The following STIM2 variants were observed in gnomAD, a reference collection of about 807,000 sequenced individuals.
STIM2 encodes stromal interaction molecule 2.
A neutral mutation model predicts 85.8 loss-of-function variants in STIM2; 31 were observed. The ratio of observed to expected loss-of-function variants is 0.36; its 90% CI spans 0.27 to 0.49. The LOEUF is 0.49. STIM2 is among the 20% of genes least tolerant of loss of function. STIM2 has a pLI of 0.98. For missense variants in STIM2, 841 were observed against 927.6 expected (o/e 0.91, Z 1.21); for synonymous variants, 356 against 331.1 (o/e 1.08, Z -0.82).
At chr4:26,944,361 C>A (rs1274739588) in intron 2 of STIM2, among the ~76,000 whole-genome samples, 1 of 152,048 alleles carries the variant, frequency 6.6e-6, no homozygotes, top group Non-Finnish European at 1.5e-5. Flanking sequence ...TTACTTGCTT[C>A]GAGTAACAAT....
At position 26,995,369 on chromosome 4, in the gene STIM2, T is replaced by C. The variant is rs1727917133; in HGVS notation, c.398-10T>C. ...GTTTAAAATATGCATTCCCCTTTTA[T>C]CTCCTGCAGTTCATAATTGGACCCT... is the stretch of plus-strand genomic sequence containing the variant. On this transcript the variant is annotated splice_polypyrimidine_tract_variant and intron_variant, in intron 3 of 11. Coordinates refer to ENST00000467087, the MANE Select transcript of STIM2 (RefSeq NM_020860.4). 1 of 1,500,142 alleles carries C rather than the reference T, an allele frequency of 6.7e-7. No homozygotes were observed. Among genetic ancestry groups the C allele is most frequent in the South Asian group, 1.3e-5 (1 of 78,968 alleles). The allele number at this position is 1,500,142 out of a possible 1,614,324, so 92.9% of individuals were successfully genotyped here.
At chr4:26,878,039 T>G (rs1008431494) in intron 1 of STIM2, among the ~76,000 whole-genome samples, 2 of 152,178 alleles carry the variant, frequency 1.3e-5, no homozygotes, top group African/African-American at 4.8e-5. Flanking sequence ...AGTGAGGAAA[T>G]ATAAATGGAT....
chr4:26,960,650 AAACTT>A (rs930324715), intron 3 of STIM2, among the ~76,000 whole-genome samples: 1 of 152,230 alleles, frequency 6.6e-6, no homozygotes, highest in Admixed American at 6.5e-5. Flanking sequence ...CATTTCTTAA[AAACTT>A]AACGTTTTTT....
chr4:26,897,946 T>C (rs1401775573), intron 1 of STIM2, among the ~76,000 whole-genome samples: 1 of 152,128 alleles, frequency 6.6e-6, no homozygotes, highest in Non-Finnish European at 1.5e-5. Context: ...ATAGAAATTT[T>C]TGTAGAGACG....
At chr4:26,972,319 G>T (rs1726986908) in intron 3 of STIM2, among the ~76,000 whole-genome samples, 1 of 152,050 alleles carries the variant, frequency 6.6e-6, no homozygotes, top group South Asian at 2.1e-4. Context: ...GTCTTGTGCT[G>T]GTTTTCAAAG....
chr4:27,019,099 A>G (rs1728829118), intron 11 of STIM2, among the ~76,000 whole-genome samples: 2 of 152,220 alleles, frequency 1.3e-5, no homozygotes, highest in African/African-American at 2.4e-5. Context: ...ATTGAGTGGT[A>G]GTTTCAGGTA....
intron 2 of STIM2, among the ~76,000 whole-genome samples, chr4:26,940,246 T>A (rs539635190): frequency 7.2e-5 from 11 of 152,198 alleles, no homozygotes; most frequent in Non-Finnish European, 1.5e-4. Flanking sequence ...TTGCCTTTCC[T>A]CCACCATAAG....
chr4:27,017,285 T>C (rs1459415538), intron 10 of STIM2, among the ~76,000 whole-genome samples: 1 of 152,228 alleles, frequency 6.6e-6, no homozygotes, highest in Non-Finnish European at 1.5e-5. Context: ...GATTTAAAAC[T>C]GATTGAGTTC....
chr4:26,937,803 A>G (rs533193498), intron 2 of STIM2, among the ~76,000 whole-genome samples: 1 of 152,194 alleles, frequency 6.6e-6, no homozygotes, highest in African/African-American at 2.4e-5. Flanking sequence ...CTCCCTCACT[A>G]AGTTGTTATT....
At position 26,995,504 on chromosome 4, in the gene STIM2, A is replaced by T; in HGVS notation, c.509+14A>T. 6 of 1,521,218 alleles carry T rather than the reference A, an allele frequency of 3.9e-6. No homozygotes were observed. The highest frequency in any genetic ancestry group is 5.4e-6 in the Non-Finnish European group (6 of 1,113,756). 94.2% of individuals were successfully genotyped at this position (1,521,218 alleles called of 1,614,324 possible). The stretch of plus-strand genomic sequence containing the variant: ...GACACTTCCCAGGTGAGTCTTTGTT[A>T]TGCAAATGTATTTTCCACTCAGGGA... On this transcript the variant is annotated intron_variant, in intron 4 of 11. Coordinates refer to ENST00000467087, the MANE Select transcript of STIM2 (RefSeq NM_020860.4).
At chr4:26,958,098 TAGG>T (rs941328617) in intron 3 of STIM2, among the ~76,000 whole-genome samples, 2 of 152,156 alleles carry the variant, frequency 1.3e-5, no homozygotes, top group Non-Finnish European at 2.9e-5. Flanking sequence ...CTAATGTTTT[TAGG>T]AGGCTATTAC....
rs1479503010 is a variant in STIM2 at position 26,861,353 on chromosome 4, C to T, written c.135C>T (p.Ser45=). The change falls in exon 1 of 12, where the codon AGC becomes AGT. Residue 45 remains serine (S), a synonymous_variant. Transcript: ENST00000467087. The stretch of plus-strand genomic sequence containing the variant: ...CTCCCGCCGCGGCGGCCGGCGATAG[C>T]CCGGCGCTCATGACAGGTGAGGGGC... 7.4e-7 allele frequency: 1 copy of T among 1,359,304 alleles called. No homozygotes were observed. The highest frequency in any genetic ancestry group is 1.7e-5 in the South Asian group (1 of 57,814). 84.2% of individuals were successfully genotyped at this position (1,359,304 alleles called of 1,614,324 possible). A position where few individuals can be genotyped will look rare whatever the true frequency, so the allele number is the denominator to read the frequency against.
At chr4:26,912,239 C>A (rs1724372682) in intron 1 of STIM2, among the ~76,000 whole-genome samples, 3 of 152,074 alleles carry the variant, frequency 2.0e-5, no homozygotes, top group South Asian at 4.1e-4. Context: ...GCGTGGTAAG[C>A]CAAGTTCTCG....
At chr4:26,921,227 G>A (rs1274866944) in intron 2 of STIM2, among the ~76,000 whole-genome samples, 1 of 152,152 alleles carries the variant, frequency 6.6e-6, no homozygotes, top group Non-Finnish European at 1.5e-5. Flanking sequence ...AATACCAGAA[G>A]CTAAGAGAAA....
At chr4:26,974,800 G>T (rs1209104131) in intron 3 of STIM2, among the ~76,000 whole-genome samples, 1 of 152,072 alleles carries the variant, frequency 6.6e-6, no homozygotes, top group Non-Finnish European at 1.5e-5. Context: ...CTAGGTTGGG[G>T]GTGTTCTCCT....
intron 10 of STIM2, among the ~76,000 whole-genome samples, chr4:27,013,979 A>G (rs1270338522): frequency 6.6e-6 from 1 of 151,988 alleles, no homozygotes; most frequent in Non-Finnish European, 1.5e-5. Flanking sequence ...TGTTTCTAGA[A>G]TATTGTGTTT....
Position 26,870,473 on chromosome 4 carries a change from G to A in STIM2, c.151+9104G>A, listed in dbSNP as rs565272771. Among the ~76,000 whole-genome samples, 2 of 152,162 alleles carry A rather than the reference G, an allele frequency of 1.3e-5. 1 individual carries two copies. The highest frequency in any genetic ancestry group is 4.1e-4 in the South Asian group (2 of 4,822). ...CAAAATATATGTTAGAATATTTAAT[G>A]GAAGTTTTTGTTATACATTTGCAGT... On this transcript the variant is annotated intron_variant, in intron 1 of 11. Transcript: ENST00000467087.
At chr4:26,883,203 A>G (rs1723093865) in intron 1 of STIM2, among the ~76,000 whole-genome samples, 2 of 144,338 alleles carry the variant, frequency 1.4e-5, no homozygotes, top group African/African-American at 5.0e-5. Flanking sequence ...GCCCTGAAGC[A>G]TGAGAAAGAG....
intron 1 of STIM2, among the ~76,000 whole-genome samples, chr4:26,892,199 G>C (rs544879387): frequency 1.3e-5 from 2 of 152,164 alleles, no homozygotes; most frequent in Non-Finnish European, 2.9e-5. Context: ...TATCAGCAGC[G>C]TGAAAATGAA....
Sources: gnomAD v4.1 joint callset for allele counts (sites outside exome capture counted in the v4.1 genomes callset) on GRCh38, gnomAD v4.1.1 for gene constraint, MANE v1.5 for transcripts, NCBI Gene and HGNC (gene_info 2026-07-23, HGNC 2026-07-21) for gene names.